BRCC3: variants seen among roughly 807,000 people sequenced by gnomAD.
BRCC3 encodes the protein lys-63-specific deubiquitinase BRCC36.
BRCC3 carries 15 observed loss-of-function variants against 28.0 expected under a neutral mutation model. The ratio of observed to expected loss-of-function variants is 0.54; its 90% CI spans 0.36 to 0.82. BRCC3 has a LOEUF of 0.82. Ranked by LOEUF, BRCC3 falls within the 40% of genes least tolerant of loss-of-function variation. BRCC3 has a pLI of 0.01. For missense variants in BRCC3, 109 were observed against 225.9 expected (o/e 0.48, Z 3.32); for synonymous variants, 66 against 80.3 (o/e 0.82, Z 0.95).
At chrX:155,112,321 A>G (rs1444985576) in intron 7 of BRCC3, among the ~76,000 whole-genome samples, 1 of 112,016 alleles carries the variant, frequency 8.9e-6, no homozygotes, top group Non-Finnish European at 1.9e-5. Flanking sequence ...ACTAATGGGC[A>G]GGTATCATAT....
At chrX:155,079,222 C>G (rs2074068101) in intron 5 of BRCC3, among the ~76,000 whole-genome samples, 1 of 111,684 alleles carries the variant, frequency 9.0e-6, no homozygotes, top group Admixed American at 9.5e-5. Context: ...GAGCACTTAA[C>G]TATGTGCTAA....
chrX:155,096,093 G>T (rs992791572), intron 7 of BRCC3, among the ~76,000 whole-genome samples: 1 of 111,936 alleles, frequency 8.9e-6, no homozygotes, highest in African/African-American at 3.2e-5. Context: ...TCATAAAAAA[G>T]AAACAAAGTA....
intron 10 of BRCC3, 65 bp from the exon 11 acceptor site, chrX:155,121,158 T>C (rs1416176950): frequency 1.8e-5 from 2 of 112,151 alleles, no homozygotes; most frequent in South Asian, 3.7e-4. Flanking sequence ...ATGGAATGTA[T>C]ATACTATATT....
In BRCC3 at chrX:155,098,079, C is replaced by T. The variant is rs148779348; in HGVS notation, c.548+7240C>T. Among the ~76,000 whole-genome samples, 63 of 112,412 alleles carry T rather than the reference C, an allele frequency of 5.6e-4. 2 individuals carry two copies. Among genetic ancestry groups the T allele is most frequent in the African/African-American group, 1.7e-3 (54 of 31,006 alleles). Reference sequence around the variant, plus strand: ...TTCTTAGCCTTTTTTAAAAATTCTGCATTTCTCTTTATTAATTTATTCTAT... The same window carrying T: ...TTCTTAGCCTTTTTTAAAAATTCTGTATTTCTCTTTATTAATTTATTCTAT... On this transcript the variant is annotated intron_variant, in intron 7 of 10. Transcript: ENST00000330045.
chrX:155,073,334 C>G, intron 2 of BRCC3, 43 bp from the exon 3 acceptor site: 2 of 1,144,748 alleles, frequency 1.7e-6, no homozygotes, highest in Non-Finnish European at 2.3e-6. Flanking sequence ...TTTTATATTC[C>G]AAACCCCACT....
At chrX:155,076,400 CAA>C (rs1172312353) in intron 3 of BRCC3, among the ~76,000 whole-genome samples, 1 of 104,690 alleles carries the variant, frequency 9.6e-6, no homozygotes, top group South Asian at 4.0e-4. Flanking sequence ...AACAAAAAAA[CAA>C]AAAAACAAAA....
chrX:155,073,596 TC>T (rs2074005880), intron 3 of BRCC3, among the ~76,000 whole-genome samples, 165 bp downstream of exon 3: 1 of 111,595 alleles, frequency 9.0e-6, no homozygotes, highest in Admixed American at 9.5e-5. Flanking sequence ...AATTTTCTGT[TC>T]TTTGTAGCAA....
Position 155,071,573 on chromosome X carries a change from T to G in BRCC3, c.46T>G (p.Ser16Ala). ...GGCGGTGCAGGCGGTTCATCTCGAG[T>G]CTGACGCTTTCCTCGTTTGTCTCAA... is the stretch of plus-strand genomic sequence containing the variant. Reference protein sequence around the residue: ...VQAVQAVHLESDAFLVCLNHA... With the variant: ...VQAVQAVHLEADAFLVCLNHA... The change falls in exon 1 of 11, where the codon TCT becomes GCT. Residue 16 changes from serine to alanine, a missense_variant. Coordinates refer to ENST00000330045, the MANE Select transcript of BRCC3 (RefSeq NM_001018055.3). 1 of 1,207,939 alleles carries G rather than the reference T, an allele frequency of 8.3e-7. No individual in the cohort carries two copies. The highest frequency in any genetic ancestry group is 1.1e-6 in the Non-Finnish European group (1 of 893,335).
intron 7 of BRCC3, among the ~76,000 whole-genome samples, chrX:155,113,913 A>G (rs1439168722): frequency 5.4e-5 from 6 of 111,618 alleles, no homozygotes; most frequent in Admixed American, 4.7e-4. Flanking sequence ...CAAAACCACA[A>G]TGAGATACCA....
chrX:155,100,361 C>T (rs1205259965), intron 7 of BRCC3, among the ~76,000 whole-genome samples: 1 of 112,168 alleles, frequency 8.9e-6, no homozygotes, highest in Non-Finnish European at 1.9e-5. Flanking sequence ...TAATTACATC[C>T]ATATAACAGA....
chrX:155,074,857 GTAAA>G (rs2124232925), intron 3 of BRCC3, among the ~76,000 whole-genome samples: 1 of 111,253 alleles, frequency 9.0e-6, no homozygotes, highest in East Asian at 2.8e-4. Context: ...CTTATTAGTG[GTAAA>G]TACTTTTTAA....
At position 155,104,685 on chromosome X, in the gene BRCC3, G is replaced by T. The variant is rs961206859; in HGVS notation, c.549-11372G>T. On this transcript the variant is annotated intron_variant, in intron 7 of 10. Transcript: ENST00000330045. ...TCGGCATCTGCCAAGCCCTACCTGG[G>T]GGTTCTCCTTGTGCTTCAGCTGGGA... Among the ~76,000 whole-genome samples, 3 of 112,721 alleles carry T rather than the reference G, an allele frequency of 2.7e-5. No homozygotes were observed. The Admixed American group carries it at 2.8e-4, about 10-fold the overall frequency.
chrX:155,098,675 A>G (rs782700614), intron 7 of BRCC3, among the ~76,000 whole-genome samples: 62 of 112,629 alleles, frequency 5.5e-4, no homozygotes, highest in African/African-American at 1.9e-3. Context: ...AGCTTAAAAT[A>G]TGTCTTTACT....
At position 155,073,388 on chromosome X, in the gene BRCC3, A is replaced by C; in HGVS notation, c.152A>C (p.Lys51Thr). 8.6e-7 allele frequency: 1 copy of C among 1,168,312 alleles called. No individual in the cohort carries two copies. Among genetic ancestry groups the C allele is most frequent in the South Asian group, 1.9e-5 (1 of 52,725 alleles). The change falls in exon 3 of 11, where the codon AAA (lysine) becomes ACA (threonine). Residue 51 changes from lysine (K) to threonine (T), a missense_variant. Lys to Thr is a moderately conservative substitution (Grantham distance 78, BLOSUM62 -1). Transcript: ENST00000330045. ...TTTATTCCCAGTAGGAGTGACTCCA[A>C]ATTTGCATATACTGGAACTGAAATG... ...ELNDDTRSDSKFAYTGTEMRT... is the reference protein window; with the variant it reads ...ELNDDTRSDSTFAYTGTEMRT...
At chrX:155,120,957 A>G (rs1420006627) in intron 10 of BRCC3, among the ~76,000 whole-genome samples, 1 of 112,196 alleles carries the variant, frequency 8.9e-6, no homozygotes, top group African/African-American at 3.2e-5. Context: ...GAAACAAAGT[A>G]TGCTTGTTGG....
At chrX:155,074,113 A>T (rs1557293036) in intron 3 of BRCC3, among the ~76,000 whole-genome samples, 1 of 112,385 alleles carries the variant, frequency 8.9e-6, no homozygotes, top group East Asian at 2.7e-4. Context: ...TCAAAGAAAT[A>T]AGTCCTCTTC....
At chrX:155,101,453 A>G (rs2074246595) in intron 7 of BRCC3, among the ~76,000 whole-genome samples, 1 of 111,893 alleles carries the variant, frequency 8.9e-6, no homozygotes, top group African/African-American at 3.3e-5. Context: ...TGTTTGTCAC[A>G]TGGCAATGTT....
intron 7 of BRCC3, among the ~76,000 whole-genome samples, chrX:155,097,224 G>C (rs113120044): frequency 9.0e-6 from 1 of 111,589 alleles, no homozygotes; most frequent in Non-Finnish European, 1.9e-5. Context: ...ACCTACAGAA[G>C]GGGAGAAAAA....
intron 7 of BRCC3, among the ~76,000 whole-genome samples, chrX:155,111,261 A>G (rs2074320175): frequency 1.8e-5 from 2 of 112,139 alleles, no homozygotes; most frequent in African/African-American, 6.5e-5. Context: ...AAAAGTGAGA[A>G]TGCAGTGGAA....
Sources: allele counts gnomAD v4.1 joint callset (sites outside exome capture counted in the v4.1 genomes callset), GRCh38; gene constraint gnomAD v4.1.1; transcripts MANE v1.5; gene names NCBI Gene and HGNC (gene_info 2026-07-23, HGNC 2026-07-21).